Variants in FOXP2 observed in about 807,000 individuals in gnomAD.
FOXP2 encodes forkhead box protein P2.
In FOXP2, 12 loss-of-function variants were observed where a neutral mutation model predicts 115.8. The observed-to-expected ratio is 0.10, with a 90% CI of 0.07 to 0.17. FOXP2 has a LOEUF of 0.17. Ranked by LOEUF, FOXP2 falls within the 10% of genes least tolerant of loss-of-function variation. FOXP2 has a pLI of 1.00. For missense variants in FOXP2, 629 were observed against 843.5 expected, an observed-to-expected ratio of 0.75 and a Z score of 3.15; for synonymous variants, 328 against 297.7, an observed-to-expected ratio of 1.10 and a Z score of -1.05.
intron 1 of FOXP2, among the ~76,000 whole-genome samples, chr7:114,284,820 C>T (rs983562284): frequency 6.6e-6 from 1 of 152,092 alleles, no homozygotes; most frequent in Non-Finnish European, 1.5e-5. Context: ...CGCTCATCAA[C>T]AGTAGACCAT....
rs1475155094 is a variant in FOXP2, at chr7:114,423,645, A to G, written c.-10-2857A>G. ...ATAAGAATGAATAATTTAGCTTGGT[A>G]TGTTTCGGATCATAAGCACATCCAC... On this transcript the variant is annotated intron_variant, in intron 1 of 16. Coordinates refer to ENST00000350908, the MANE Select transcript of FOXP2 (RefSeq NM_014491.4). Among the ~76,000 whole-genome samples, 5 of 151,608 alleles carry G rather than the reference A, an allele frequency of 3.3e-5. No individual in the cohort carries two copies. In the East Asian group the frequency reaches 9.7e-4, roughly 29 times the overall value.
intron 1 of FOXP2, among the ~76,000 whole-genome samples, chr7:114,198,001 A>G (rs372097645): frequency 3.3e-5 from 5 of 151,876 alleles, no homozygotes; most frequent in African/African-American, 9.7e-5. Flanking sequence ...GGTAGCTGGG[A>G]TTACAGGCAT....
chr7:114,352,410 T>A (rs1791515055), intron 2 of FOXP2, among the ~76,000 whole-genome samples: 1 of 152,192 alleles, frequency 6.6e-6, no homozygotes, highest in East Asian at 1.9e-4. Context: ...CAGTGATTAA[T>A]CCAGAGGCAG....
intron 1 of FOXP2, among the ~76,000 whole-genome samples, chr7:114,207,706 A>G (rs1584545458): frequency 6.6e-6 from 1 of 152,218 alleles, no homozygotes; most frequent in East Asian, 1.9e-4. Context: ...GAAAGCTTTA[A>G]AAAGTATGTT....
intron 3 of FOXP2, among the ~76,000 whole-genome samples, chr7:114,581,636 G>C (rs1293807525): frequency 6.6e-6 from 1 of 152,080 alleles, no homozygotes; most frequent in East Asian, 1.9e-4. Context: ...TGAGTCCATA[G>C]ATTACATTAG....
In FOXP2 at chr7:114,426,624, G is replaced by A. The variant is rs760842249; in HGVS notation, c.113G>A (p.Gly38Asp). ...DAGSRDGRSS[G>D]DTSSEVSTVE... is the part of the protein sequence containing the mutation. ...GGCAGCAGAGATGGAAGATCAAGTG[G>A]TGACACCAGCTCTGAAGTAAGCACA... Residue 38 changes from glycine to aspartate, a missense_variant, in exon 2 of 17, where the codon GGT (glycine) becomes GAT (aspartate). By Grantham distance (94) the Gly-to-Asp change is moderately conservative. Around this residue, in one of 9 missense-constraint regions of FOXP2, gnomAD observed 91 missense variants for 98.3 expected, o/e 0.93. Transcript: ENST00000350908. 2 of 1,611,632 alleles carry A rather than the reference G, an allele frequency of 1.2e-6. No homozygotes were observed. Among genetic ancestry groups the A allele is most frequent in the East Asian group, 4.5e-5 (2 of 44,762 alleles).
chr7:114,244,916 C>T (rs1259950847), intron 1 of FOXP2, among the ~76,000 whole-genome samples: 1 of 151,976 alleles, frequency 6.6e-6, no homozygotes, highest in Non-Finnish European at 1.5e-5. Flanking sequence ...CGCCCACCAT[C>T]ACGCCCGGCT....
chr7:114,454,041 T>C, intron 2 of FOXP2, among the ~76,000 whole-genome samples: 2 of 150,490 alleles, frequency 1.3e-5, no homozygotes, highest in African/African-American at 2.4e-5. Flanking sequence ...ACTAAAGAGC[T>C]TCTGCACAGC....
At chr7:114,177,326 G>T (rs1271035289) in intron 1 of FOXP2, among the ~76,000 whole-genome samples, 1 of 151,994 alleles carries the variant, frequency 6.6e-6, no homozygotes, top group African/African-American at 2.4e-5. Flanking sequence ...TAGAGCAGTT[G>T]TTCCAGTTTA....
intron 2 of FOXP2, among the ~76,000 whole-genome samples, chr7:114,472,032 A>C (rs1796071746): frequency 6.6e-6 from 1 of 151,908 alleles, no homozygotes; most frequent in African/African-American, 2.4e-5. Context: ...TCCAAAGCTC[A>C]TGTGCTGCAC....
intron 3 of FOXP2, among the ~76,000 whole-genome samples, chr7:114,615,044 C>T (rs1406365956): frequency 2.0e-5 from 3 of 152,044 alleles, no homozygotes; most frequent in African/African-American, 7.2e-5. Context: ...CATGGTGAAA[C>T]CCCGTCTCTA....
chr7:114,393,482 G>C (rs1792659435), intron 2 of FOXP2, among the ~76,000 whole-genome samples: 1 of 152,250 alleles, frequency 6.6e-6, no homozygotes, highest in East Asian at 1.9e-4. Context: ...TGACCAGAGA[G>C]AGGAGGGCAT....
intron 16 of FOXP2, among the ~76,000 whole-genome samples, chr7:114,688,541 C>A (rs983734980): frequency 6.6e-6 from 1 of 152,138 alleles, no homozygotes; most frequent in Non-Finnish European, 1.5e-5. Context: ...TTTTTCACAG[C>A]GATTCCCTGA....
chr7:114,693,279 GA>G lies in FOXP2; in HGVS notation c.*3355del, dbSNP rs1178980365. 3 of 451,090 alleles carry G rather than the reference GA, an allele frequency of 6.7e-6. No individual in the cohort carries two copies. Among genetic ancestry groups the G allele is most frequent in the Non-Finnish European group, 1.3e-5 (3 of 225,094 alleles). The allele number at this position is 451,090 out of a possible 1,614,324, so 27.9% of individuals were successfully genotyped here. ...TGTCTACAGCTGCTTAACTTCATAA[GA>G]ATGCATTTCTTTGTGATTAGGGAAT... On this transcript the variant is annotated 3_prime_UTR_variant, in exon 17 of 17. Coordinates refer to ENST00000350908, the MANE Select transcript of FOXP2 (RefSeq NM_014491.4).
At chr7:114,431,846 T>C (rs1463949789) in intron 2 of FOXP2, among the ~76,000 whole-genome samples, 2 of 151,988 alleles carry the variant, frequency 1.3e-5, no homozygotes, top group Non-Finnish European at 1.5e-5. Context: ...TGAGCAATAA[T>C]ACTCATGGCA....
At chr7:114,533,452 C>T (rs1010408448) in intron 2 of FOXP2, among the ~76,000 whole-genome samples, 1 of 151,774 alleles carries the variant, frequency 6.6e-6, no homozygotes, top group African/African-American at 2.4e-5. Flanking sequence ...GCCATATGCA[C>T]ATCTTGTCAA....
chr7:114,242,977 A>G (rs568057322), intron 1 of FOXP2, among the ~76,000 whole-genome samples: 58 of 152,290 alleles, frequency 3.8e-4, no homozygotes, highest in Non-Finnish European at 6.0e-4. Context: ...TCAGAAGAGA[A>G]TCCTGTCCTG....
chr7:114,626,316 A>T (rs1472114406), intron 3 of FOXP2, among the ~76,000 whole-genome samples: 2 of 151,836 alleles, frequency 1.3e-5, no homozygotes, highest in Non-Finnish European at 3.0e-5. Flanking sequence ...TATAAGCTGA[A>T]ATCTGACTGT....
At chr7:114,500,539 T>C (rs1797523813) in intron 2 of FOXP2, among the ~76,000 whole-genome samples, 2 of 152,172 alleles carry the variant, frequency 1.3e-5, no homozygotes, top group African/African-American at 2.4e-5. Flanking sequence ...ATTTAAAATC[T>C]ACAGAGGAAA....
Sources: gnomAD v4.1 joint callset for allele counts (sites outside exome capture counted in the v4.1 genomes callset) on GRCh38, gnomAD v4.1.1 for gene constraint, gnomAD v4.1.1 regional missense constraint, MANE v1.5 for transcripts, NCBI Gene and HGNC (gene_info 2026-07-23, HGNC 2026-07-21) for gene names.